Variants in DCT observed in about 807,000 individuals in gnomAD.
DCT encodes L-dopachrome tautomerase.
Under a neutral mutation model 53.0 loss-of-function variants are expected in DCT, and 47 were observed. The ratio of observed to expected loss-of-function variants is 0.89; its 90% confidence interval spans 0.70 to 1.13. The LOEUF (loss-of-function observed/expected upper bound fraction) is 1.13, where lower values mean the gene tolerates loss of function less well. DCT is among the 50% of genes most tolerant of loss of function. The probability of loss-of-function intolerance (pLI) is 0.00; values close to 1 mark genes in which losing one functional copy is unlikely to be tolerated. For synonymous variants in DCT, 244 were observed against 237.0 expected (o/e 1.03, Z -0.27); for missense variants, 669 against 637.4 (o/e 1.05, Z -0.53).
intron 2 of DCT, 33 bp downstream of exon 2, chr13:94,468,713 A>G: frequency 6.3e-7 from 1 of 1,586,304 alleles, no homozygotes. Context: ...ACAAACCTGT[A>G]ATAATATACC....
intron 7 of DCT, 122 bp downstream of exon 7, chr13:94,443,314 A>C (rs1258431557): frequency 2.6e-6 from 2 of 758,578 alleles, no homozygotes; most frequent in East Asian, 5.2e-5. Flanking sequence ...ATGGTCAATA[A>C]ACTTAACTAG....
chr13:94,477,274 T>G (rs1566863642), intron 1 of DCT, among the ~76,000 whole-genome samples: 1 of 152,074 alleles, frequency 6.6e-6, no homozygotes, highest in South Asian at 2.1e-4. Flanking sequence ...TTTTGTATTT[T>G]TAGTAGAGAC....
chr13:94,493,706 G>A, the DCT span, among the ~76,000 whole-genome samples: 99 of 152,312 alleles, frequency 6.5e-4, no homozygotes, highest in East Asian at 7.1e-3. Context: ...TGTGGAGACT[G>A]TAAAAAGATC....
chr13:94,542,518 GCC>G, the DCT span, among the ~76,000 whole-genome samples: 1 of 152,106 alleles, frequency 6.6e-6, no homozygotes, highest in Non-Finnish European at 1.5e-5. Context: ...ATCTTTAAAT[GCC>G]CATTCCCTTC....
intron 6 of DCT, among the ~76,000 whole-genome samples, chr13:94,445,445 C>T (rs544871480): frequency 6.6e-6 from 1 of 152,120 alleles, no homozygotes; most frequent in African/African-American, 2.4e-5. Flanking sequence ...ACCATGATGG[C>T]GAGGCTCAAG....
chr13:94,475,130 C>A (rs1369563247), intron 1 of DCT, among the ~76,000 whole-genome samples: 2 of 152,158 alleles, frequency 1.3e-5, no homozygotes, highest in African/African-American at 4.8e-5. Context: ...AGGCTAGCAA[C>A]TTACTCTTTG....
At chr13:94,522,665 G>T in the DCT span, among the ~76,000 whole-genome samples, 1 of 152,218 alleles carries the variant, frequency 6.6e-6, no homozygotes, top group African/African-American at 2.4e-5. Flanking sequence ...TTGTGGAGCT[G>T]CTTTGGAGCC....
chr13:94,521,891 T>C, the DCT span, among the ~76,000 whole-genome samples: 1 of 152,154 alleles, frequency 6.6e-6, no homozygotes, highest in African/African-American at 2.4e-5. Context: ...CTATACCTAA[T>C]ACCTAACATG....
chr13:94,439,779 A>C lies in DCT; in HGVS notation c.*119T>G, dbSNP rs1403134526. ...TTCTGAATGAGATCATCATCACTAT[A>C]GAAGAACCTATGTCAAAGATCTTCA... On this transcript the variant is annotated 3_prime_UTR_variant, in exon 8 of 8. Transcript: ENST00000377028. 1.1e-5 allele frequency: 8 copies of C among 756,358 alleles called. No individual in the cohort carries two copies. The highest frequency in any genetic ancestry group is 1.7e-5 in the Non-Finnish European group (8 of 467,710). 46.9% of individuals were successfully genotyped at this position (756,358 alleles called of 1,614,324 possible). A position where few individuals can be genotyped will look rare whatever the true frequency, so the allele number is the denominator to read the frequency against.
chr13:94,466,370 C>T (rs921125877), intron 3 of DCT, among the ~76,000 whole-genome samples, 188 bp downstream of exon 3: 4 of 151,872 alleles, frequency 2.6e-5, no homozygotes, highest in African/African-American at 7.3e-5. Context: ...CTTAGGTACT[C>T]TTACCACACA....
chr13:94,470,239 A>G (rs1884554508), intron 1 of DCT, among the ~76,000 whole-genome samples: 1 of 152,228 alleles, frequency 6.6e-6, no homozygotes, highest in African/African-American at 2.4e-5. Context: ...AATCAACGGA[A>G]GCTGTCAAGT....
At chr13:94,518,657 T>C in the DCT span, among the ~76,000 whole-genome samples, 71 of 152,344 alleles carry the variant, frequency 4.7e-4, no homozygotes, top group Admixed American at 1.7e-3. Flanking sequence ...CCTGGGACAA[T>C]AGCCTCTGCA....
the DCT span, among the ~76,000 whole-genome samples, chr13:94,536,627 C>A: frequency 6.6e-6 from 1 of 152,144 alleles, no homozygotes; most frequent in Admixed American, 6.6e-5. Context: ...ACATCTGCCT[C>A]TGTGTCACCC....
At chr13:94,488,790 T>C in the DCT span, among the ~76,000 whole-genome samples, 3 of 149,878 alleles carry the variant, frequency 2.0e-5, no homozygotes, top group African/African-American at 7.4e-5. Flanking sequence ...TACATACATA[T>C]ACACACACAT....
At chr13:94,453,964 G>A (rs778803885) in intron 6 of DCT, among the ~76,000 whole-genome samples, 16 of 151,976 alleles carry the variant, frequency 1.1e-4, no homozygotes, top group Non-Finnish European at 7.4e-5. Context: ...CTCTAACTCA[G>A]AATTATTTAT....
the DCT span, among the ~76,000 whole-genome samples, chr13:94,509,039 A>G: frequency 6.6e-6 from 1 of 152,144 alleles, no homozygotes; most frequent in African/African-American, 2.4e-5. Flanking sequence ...CTACTGAGAG[A>G]GGTCAGTTTC....
intron 6 of DCT, chr13:94,445,687 A>C (rs1414084581): frequency 7.4e-6 from 11 of 1,494,258 alleles, no homozygotes; most frequent in Non-Finnish European, 1.0e-5. Context: ...AAGGAAAAAA[A>C]CCTGAGTAGA....
At chr13:94,520,710 G>GA in the DCT span, among the ~76,000 whole-genome samples, 2 of 151,758 alleles carry the variant, frequency 1.3e-5, no homozygotes, top group Non-Finnish European at 2.9e-5. Flanking sequence ...GGTGGGTAGA[G>GA]AAAAAAAAGG....
the DCT span, among the ~76,000 whole-genome samples, chr13:94,540,119 A>T: frequency 2.0e-5 from 3 of 152,206 alleles, no homozygotes; most frequent in South Asian, 2.1e-4. Context: ...TTCTAAAAAA[A>T]AAAATGTGTT....
Sources: gnomAD v4.1 joint callset for allele counts (sites outside exome capture counted in the v4.1 genomes callset) on GRCh38, gnomAD v4.1.1 for gene constraint, MANE v1.5 for transcripts, NCBI Gene and HGNC (gene_info 2026-07-23, HGNC 2026-07-21) for gene names.